Variants in FOXJ2 observed in about 807,000 individuals in gnomAD.
FOXJ2 encodes forkhead box J2.
FOXJ2 carries 18 observed loss-of-function variants against 68.4 expected under a neutral mutation model. That is an observed-to-expected ratio of 0.26 (90% CI 0.18 to 0.39). The LOEUF is 0.39. Among genes scored for constraint, FOXJ2 ranks in the 10% least tolerant of loss-of-function variants. The pLI is 1.00. For missense variants in FOXJ2, 670 were observed against 726.5 expected, an observed-to-expected ratio of 0.92 and a Z score of 0.89; for synonymous variants, 274 against 263.2, an observed-to-expected ratio of 1.04 and a Z score of -0.40.
chr12:8,034,789 C>G (rs191690636), intron 1 of FOXJ2, among the ~76,000 whole-genome samples: 1 of 152,210 alleles, frequency 6.6e-6, no homozygotes, highest in African/African-American at 2.4e-5. Context: ...CTGAGTCCCT[C>G]GAACCTTGTG....
chr12:8,032,721 G>GGAGCC lies in FOXJ2; in HGVS notation c.-1116_-1112dup, dbSNP rs1043503198. ...CCGGGGAGGAGCCGGGGCCTGCAGC[G>GGAGCC]GAGCCGAGCCGAGCCCGAGCCCGCG... is the stretch of plus-strand genomic sequence containing the variant. On this transcript the variant is annotated 5_prime_UTR_variant, in exon 1 of 11. Coordinates refer to ENST00000162391, the MANE Select transcript of FOXJ2 (RefSeq NM_018416.3). This position sits in a 1 kb window ranked among gnomAD's most constrained non-coding sequence, Gnocchi z 4.8. 40 of 391,248 alleles carry GGAGCC rather than the reference G, an allele frequency of 1.0e-4. No individual in the cohort carries two copies. Among genetic ancestry groups the GGAGCC allele is most frequent in the Non-Finnish European group, 1.4e-4 (31 of 221,364 alleles). The allele number at this position is 391,248 out of a possible 1,614,324, so 24.2% of individuals were successfully genotyped here. A position where few individuals can be genotyped will look rare whatever the true frequency, so the allele number is the denominator to read the frequency against.
chr12:8,040,315 C>CT lies in FOXJ2; in HGVS notation c.333+158dup. ...AAAATCTCATATGTTCTGCCCTCTA[C>CT]TTTTTTTTCAGAGTTGAACAACTTT... is the stretch of plus-strand genomic sequence containing the variant. On this transcript the variant is annotated intron_variant, in intron 2 of 10. Transcript: ENST00000162391. The surrounding 1 kb of genome is among the most constrained non-coding windows in gnomAD (Gnocchi z 4.0). The CT allele has an allele frequency of 1.4e-4, 116 of 841,274 alleles. No homozygotes were observed. The highest frequency in any genetic ancestry group is 1.9e-4 in the Non-Finnish European group (105 of 557,112). 52.1% of individuals were successfully genotyped at this position (841,274 alleles called of 1,614,324 possible). A position where few individuals can be genotyped will look rare whatever the true frequency, so the allele number is the denominator to read the frequency against.
At chr12:8,048,385 A>G (rs2121348079) in intron 7 of FOXJ2, 96 bp downstream of exon 7, 3 of 1,490,728 alleles carry the variant, frequency 2.0e-6, no homozygotes, top group South Asian at 2.8e-5. Context: ...GAAGTTAATG[A>G]TGGGTCTTTT....
intron 7 of FOXJ2, 123 bp downstream of exon 7, chr12:8,048,412 T>C (rs1947070248): frequency 2.8e-6 from 4 of 1,440,476 alleles, no homozygotes; most frequent in Non-Finnish European, 3.7e-6. Flanking sequence ...CGCTCCTTCA[T>C]GTGAGCTAAT....
At chr12:8,052,234 T>C (rs1191446895) in intron 10 of FOXJ2, among the ~76,000 whole-genome samples, 1 of 152,006 alleles carries the variant, frequency 6.6e-6, no homozygotes, top group Non-Finnish European at 1.5e-5. Context: ...AATTTTTTTT[T>C]TTTTTTGAGA....
Position 8,032,940 on chromosome 12 carries a change from A to T in FOXJ2, c.-908A>T. The T allele has an allele frequency of 2.5e-6, 1 of 397,218 alleles. No homozygotes were observed. Among genetic ancestry groups the T allele is most frequent in the Non-Finnish European group, 4.4e-6 (1 of 225,290 alleles). The allele number at this position is 397,218 out of a possible 1,614,324, so 24.6% of individuals were successfully genotyped here. On this transcript the variant is annotated 5_prime_UTR_variant, in exon 1 of 11. Transcript: ENST00000162391. This position sits in a 1 kb window ranked among gnomAD's most constrained non-coding sequence, Gnocchi z 4.8. ...CGCGGCCTCCCGGACCGTGCTGCCCAGGCCAGCTCAGGGACAGCCGGGAGT... is the reference window on the plus strand; with the variant it reads ...CGCGGCCTCCCGGACCGTGCTGCCCTGGCCAGCTCAGGGACAGCCGGGAGT...
chr12:8,039,667 C>T (rs1946939012), intron 1 of FOXJ2, among the ~76,000 whole-genome samples, 152 bp from the exon 2 acceptor site: 1 of 152,178 alleles, frequency 6.6e-6, no homozygotes, highest in Non-Finnish European at 1.5e-5. Context: ...GTAGATAGAT[C>T]TGCTTGGGGA....
Position 8,055,464 on chromosome 12 carries a change from TG to T in FOXJ2, c.*2615del, listed in dbSNP as rs1250336832. On this transcript the variant is annotated 3_prime_UTR_variant, in exon 11 of 11. Transcript: ENST00000162391. Reference sequence around the variant, plus strand: ...ATATGGTCTCACAAGTTGTTGTCATTGTTTTTTTGCATGCTTTCTTAATAAA... The same window carrying T: ...ATATGGTCTCACAAGTTGTTGTCATTTTTTTTTGCATGCTTTCTTAATAAA... 1 of 152,580 alleles carries T rather than the reference TG, an allele frequency of 6.6e-6. No homozygotes were observed. The highest frequency in any genetic ancestry group is 2.4e-5 in the African/African-American group (1 of 41,440). 9.5% of individuals were successfully genotyped at this position (152,580 alleles called of 1,614,324 possible).
At chr12:8,048,917 C>A in intron 8 of FOXJ2, 119 bp downstream of exon 8, 1 of 750,796 alleles carries the variant, frequency 1.3e-6, no homozygotes, top group African/African-American at 1.7e-5. Flanking sequence ...CATTGTTTTT[C>A]TTTCTTTTTA....
chr12:8,047,156 G>A (rs901215704), intron 6 of FOXJ2, among the ~76,000 whole-genome samples: 9 of 152,036 alleles, frequency 5.9e-5, no homozygotes, highest in African/African-American at 1.7e-4. Context: ...GTAGCAGAGT[G>A]TAGAGAAAAT....
At chr12:8,051,794 G>C (rs566440210) in intron 10 of FOXJ2, among the ~76,000 whole-genome samples, 148 of 152,264 alleles carry the variant, frequency 9.7e-4, no homozygotes, top group Non-Finnish European at 1.9e-3. Context: ...GGTGACATCT[G>C]ACTCTCTCTA....
At position 8,038,507 on chromosome 12, in the gene FOXJ2, A is replaced by G. The variant is rs1946925039; in HGVS notation, c.-14-1312A>G. 6.6e-6 allele frequency among the ~76,000 whole-genome samples: 1 copy of G among 152,212 alleles called. No individual in the cohort carries two copies. The highest frequency in any genetic ancestry group is 2.4e-5 in the African/African-American group (1 of 41,456). On this transcript the variant is annotated intron_variant, in intron 1 of 10. Transcript: ENST00000162391. This position sits in a 1 kb window ranked among gnomAD's most constrained non-coding sequence, Gnocchi z 5.3. Reference sequence around the variant, plus strand: ...GGCAATCTAGTCCTGGCTCCTCAGGAGAAGTGCCCTGGTGGGACTGAGGAA... The same window carrying G: ...GGCAATCTAGTCCTGGCTCCTCAGGGGAAGTGCCCTGGTGGGACTGAGGAA...
Position 8,055,461 on chromosome 12 carries a change from C to G in FOXJ2, c.*2611C>G, listed in dbSNP as rs190794462. The G allele has an allele frequency of 6.6e-6, 1 of 151,440 alleles. No individual in the cohort carries two copies. The highest frequency in any genetic ancestry group is 1.9e-4 in the East Asian group (1 of 5,134). The allele number at this position is 151,440 out of a possible 1,614,324, so 9.4% of individuals were successfully genotyped here. The stretch of plus-strand genomic sequence containing the variant: ...GGTATATGGTCTCACAAGTTGTTGT[C>G]ATTGTTTTTTTGCATGCTTTCTTAA... On this transcript the variant is annotated 3_prime_UTR_variant, in exon 11 of 11. Coordinates refer to ENST00000162391, the MANE Select transcript of FOXJ2 (RefSeq NM_018416.3).
At chr12:8,039,244 C>G (rs1049166235) in intron 1 of FOXJ2, among the ~76,000 whole-genome samples, 1 of 151,546 alleles carries the variant, frequency 6.6e-6, no homozygotes, top group African/African-American at 2.4e-5. Context: ...TCTAATATGC[C>G]TCAGGTGCAC....
chr12:8,038,455 G>A lies in FOXJ2; in HGVS notation c.-14-1364G>A, dbSNP rs183603696. 6.6e-5 allele frequency among the ~76,000 whole-genome samples: 10 copies of A among 152,256 alleles called. No individual in the cohort carries two copies. The highest frequency in any genetic ancestry group is 1.9e-4 in the East Asian group (1 of 5,192). On this transcript the variant is annotated intron_variant, in intron 1 of 10. Transcript: ENST00000162391. This position sits in a 1 kb window ranked among gnomAD's most constrained non-coding sequence, Gnocchi z 5.3. ...GATTTAGAGATCACTTACATCATAC[G>A]TTTCTGTTCAGGATTCTGAACTTTG...
In FOXJ2 at chr12:8,043,693, C is replaced by T; in HGVS notation, c.409-8C>T. 1.2e-6 allele frequency: 2 copies of T among 1,614,106 alleles called. No individual in the cohort carries two copies. Among genetic ancestry groups the T allele is most frequent in the Non-Finnish European group, 8.5e-7 (1 of 1,179,990 alleles). ...TTTGTTTTCTGTGGGAATGGGATCTCCTTCCAGGGTTCCTATTGGACAATT... is the reference window on the plus strand; with the variant it reads ...TTTGTTTTCTGTGGGAATGGGATCTTCTTCCAGGGTTCCTATTGGACAATT... On this transcript the variant is annotated splice_region_variant and splice_polypyrimidine_tract_variant and intron_variant, in intron 3 of 10. Transcript: ENST00000162391.
intron 8 of FOXJ2, 47 bp from the exon 9 acceptor site, chr12:8,049,315 G>T: frequency 1.3e-6 from 2 of 1,529,716 alleles, no homozygotes; most frequent in South Asian, 2.4e-5. Context: ...TCTGATAGGG[G>T]CTTCCTACCT....
chr12:8,033,682 G>A lies in FOXJ2; in HGVS notation c.-166G>A, dbSNP rs905378139. 2.0e-5 allele frequency: 3 copies of A among 152,782 alleles called. No individual in the cohort carries two copies. Among genetic ancestry groups the A allele is most frequent in the Non-Finnish European group, 4.4e-5 (3 of 68,206 alleles). The allele number at this position is 152,782 out of a possible 1,614,324, so 9.5% of individuals were successfully genotyped here. A position where few individuals can be genotyped will look rare whatever the true frequency, so the allele number is the denominator to read the frequency against. ...TGACTCCTCATCCTCAGGGGACCCAGTTCCCCTCACCAACTTGGGAGGCTC... is the reference window on the plus strand; with the variant it reads ...TGACTCCTCATCCTCAGGGGACCCAATTCCCCTCACCAACTTGGGAGGCTC... On this transcript the variant is annotated 5_prime_UTR_variant, in exon 1 of 11. Coordinates refer to ENST00000162391, the MANE Select transcript of FOXJ2 (RefSeq NM_018416.3).
At position 8,048,171 on chromosome 12, in the gene FOXJ2, G is replaced by A. The variant is rs200376191; in HGVS notation, c.1107G>A (p.Pro369=). ...PPPVMAMHPP[P]LQHGGYHPHQ... is the part of the protein sequence containing the mutation. The stretch of plus-strand genomic sequence containing the variant: ...CTGTAATGGCCATGCATCCACCCCC[G>A]CTGCAGCATGGAGGCTACCACCCTC... Residue 369 remains proline (P), a synonymous_variant, in exon 7 of 11, where the codon CCG becomes CCA. Transcript: ENST00000162391. The A allele has an allele frequency of 1.2e-4, 187 of 1,613,864 alleles. No individual in the cohort carries two copies. The highest frequency in any genetic ancestry group is 8.0e-4 in the African/African-American group (60 of 75,030).
Sources: allele counts gnomAD v4.1 joint callset (sites outside exome capture counted in the v4.1 genomes callset), GRCh38; gene constraint gnomAD v4.1.1; non-coding constraint Gnocchi (gnomAD v3.1); transcripts MANE v1.5; gene names NCBI Gene and HGNC (gene_info 2026-07-23, HGNC 2026-07-21).